The following OSBP2 variants were observed in gnomAD, a reference collection of about 807,000 sequenced individuals.
OSBP2 encodes oxysterol binding protein 2, also known as oxysterol-binding protein 2.
In OSBP2, 66 loss-of-function variants were observed where a neutral mutation model predicts 96.0. The observed-to-expected ratio is 0.69, with a 90% CI of 0.56 to 0.84. OSBP2 has a LOEUF of 0.84. Among genes scored for constraint, OSBP2 ranks in the 40% least tolerant of loss-of-function variants. The pLI is 0.00. For missense variants in OSBP2, 1,038 were observed against 1,222.7 expected, an observed-to-expected ratio of 0.85 and a Z score of 2.25; for synonymous variants, 525 against 520.9, an observed-to-expected ratio of 1.01 and a Z score of -0.11.
At chr22:30,788,768 A>T (rs1188754609) in intron 2 of OSBP2, among the ~76,000 whole-genome samples, 1 of 152,092 alleles carries the variant, frequency 6.6e-6, no homozygotes, top group African/African-American at 2.4e-5. Context: ...GCTGGAGTGC[A>T]GTGGCACCAT....
At chr22:30,902,733 C>G in intron 12 of OSBP2, 1 of 472,198 alleles carries the variant, frequency 2.1e-6, no homozygotes, top group South Asian at 1.9e-5. Context: ...CTGCTATCTT[C>G]AGGGGTGCCA....
Position 30,719,630 on chromosome 22 carries a change from G to A in OSBP2, c.645-21531G>A, listed in dbSNP as rs551213995. On this transcript the variant is annotated intron_variant, in intron 1 of 13. Transcript: ENST00000332585. ...TAAGCCGGGAGTGGTGGCGCACCCC[G>A]GTAATCCCAGCTACTTGGAAGGCTG... Among the ~76,000 whole-genome samples, 7 of 151,558 alleles carry A rather than the reference G, an allele frequency of 4.6e-5. No homozygotes were observed. In the South Asian group the frequency reaches 1.3e-3, roughly 27 times the overall value.
At chr22:30,898,691 C>A (rs982557386) in intron 12 of OSBP2, among the ~76,000 whole-genome samples, 94 of 151,978 alleles carry the variant, frequency 6.2e-4, no homozygotes, top group African/African-American at 2.2e-3. Context: ...CCAATCACCT[C>A]CCACCCGGTC....
intron 12 of OSBP2, chr22:30,894,223 A>T: frequency 1.9e-6 from 1 of 530,534 alleles, no homozygotes; most frequent in South Asian, 3.0e-5. Flanking sequence ...AGGTGATAGG[A>T]CAGAGCCCCT....
At chr22:30,822,337 C>T (rs1244270880) in intron 2 of OSBP2, among the ~76,000 whole-genome samples, 1 of 152,234 alleles carries the variant, frequency 6.6e-6, no homozygotes, top group Non-Finnish European at 1.5e-5. Flanking sequence ...TCCGCGGGGT[C>T]GCACGGACCA....
chr22:30,726,210 A>G (rs569682244), intron 1 of OSBP2, among the ~76,000 whole-genome samples: 7 of 152,344 alleles, frequency 4.6e-5, no homozygotes, highest in African/African-American at 1.4e-4. Context: ...TGTCATTTAC[A>G]ATAGCAAAAC....
At chr22:30,899,320 T>C (rs2040141080) in intron 12 of OSBP2, among the ~76,000 whole-genome samples, 1 of 151,080 alleles carries the variant, frequency 6.6e-6, no homozygotes, top group African/African-American at 2.4e-5. Flanking sequence ...GCAGGAAGGT[T>C]ACTTGAGCCC....
In OSBP2 at chr22:30,739,221, A is replaced by G. The variant is rs567311858; in HGVS notation, c.645-1940A>G. Among the ~76,000 whole-genome samples, 46 of 152,320 alleles carry G rather than the reference A, an allele frequency of 3.0e-4. 2 individuals carry two copies. The highest frequency in any genetic ancestry group is 2.9e-3 in the Admixed American group (44 of 15,298). ...CCCTTATTTTGATACCATTAGCTCC[A>G]TCATCTTATAAGTCCGTTGTTATGA... On this transcript the variant is annotated intron_variant, in intron 1 of 13. Coordinates refer to ENST00000332585, the MANE Select transcript of OSBP2 (RefSeq NM_030758.4).
In OSBP2 at chr22:30,871,982, C is replaced by T. The variant is rs767952816; in HGVS notation, c.1107+1300C>T. Among the ~76,000 whole-genome samples the T allele has an allele frequency of 6.6e-6, 1 of 152,262 alleles. No homozygotes were observed. The highest frequency in any genetic ancestry group is 1.5e-5 in the Non-Finnish European group (1 of 68,044). On this transcript the variant is annotated intron_variant, in intron 3 of 13. Transcript: ENST00000332585. The surrounding 1 kb of genome is among the most constrained non-coding windows in gnomAD (Gnocchi z 4.7). ...GGGCCTGAGGCTGGGCGAGGTGTGC[C>T]CCCCTTCCCGACTGCTGGGAAACTC...
intron 1 of OSBP2, among the ~76,000 whole-genome samples, chr22:30,738,162 G>T (rs2089883826): frequency 6.8e-6 from 1 of 146,898 alleles, no homozygotes; most frequent in South Asian, 2.1e-4. Context: ...CTCTCTTGTT[G>T]TTGGCACTCT....
intron 2 of OSBP2, among the ~76,000 whole-genome samples, chr22:30,837,628 A>T (rs1206253035): frequency 6.6e-6 from 1 of 152,228 alleles, no homozygotes; most frequent in African/African-American, 2.4e-5. Flanking sequence ...GTCACCCTGC[A>T]ACTCCCTGAG....
rs1027134076 is a variant in OSBP2, at chr22:30,889,692, C to T, written c.1623+56C>T. The T allele has an allele frequency of 3.6e-5, 56 of 1,562,344 alleles. No homozygotes were observed. The Middle Eastern group carries it at 1.5e-3, about 42-fold the overall frequency. ...GGTCCTCTGGGGCTGCTTTCCTGTG[C>T]GTGGATGAGCAGTAATGGCCTGTGT... On this transcript the variant is annotated intron_variant, in intron 7 of 13. Transcript: ENST00000332585.
intron 1 of OSBP2, among the ~76,000 whole-genome samples, chr22:30,738,077 CT>C (rs572534320): frequency 0.021 from 3,080 of 143,836 alleles, 30 homozygotes; most frequent in Middle Eastern, 0.048. Flanking sequence ...TTTTCTTTTC[CT>C]TTTTTTTTTT....
At chr22:30,814,433 G>GT (rs1602303158) in intron 2 of OSBP2, among the ~76,000 whole-genome samples, 3 of 112,292 alleles carry the variant, frequency 2.7e-5, no homozygotes, top group Admixed American at 1.0e-4. Context: ...TATCTCGTTG[G>GT]GTTTTTTTTT....
chr22:30,737,900 GAC>G (rs1441093046), intron 1 of OSBP2, among the ~76,000 whole-genome samples: 1 of 151,980 alleles, frequency 6.6e-6, no homozygotes, highest in Non-Finnish European at 1.5e-5. Flanking sequence ...TTTTAGTAGA[GAC>G]GGGGTTTCAC....
chr22:30,886,838 T>C (rs997459723), intron 3 of OSBP2, among the ~76,000 whole-genome samples: 1 of 152,142 alleles, frequency 6.6e-6, no homozygotes. Flanking sequence ...AGATGTGTTA[T>C]AGGAAAGGGG....
chr22:30,767,706 C>T (rs944207700), intron 2 of OSBP2, among the ~76,000 whole-genome samples: 2 of 152,144 alleles, frequency 1.3e-5, no homozygotes, highest in Non-Finnish European at 2.9e-5. Flanking sequence ...AGGGGCCGCA[C>T]ATGTGCTTCC....
At chr22:30,891,543 T>C (rs2039948061) in intron 8 of OSBP2, among the ~76,000 whole-genome samples, 1 of 152,206 alleles carries the variant, frequency 6.6e-6, no homozygotes, top group Non-Finnish European at 1.5e-5. Flanking sequence ...GAGTGTGGGA[T>C]GCTGGCCATT....
intron 2 of OSBP2, among the ~76,000 whole-genome samples, chr22:30,811,111 G>GGCATTT (rs1555915299): frequency 1.3e-5 from 2 of 151,438 alleles, no homozygotes; most frequent in African/African-American, 4.8e-5. Context: ...TGTCAGTACT[G>GGCATTT]GTATTTTCCA....
Sources: allele counts gnomAD v4.1 joint callset (sites outside exome capture counted in the v4.1 genomes callset), GRCh38; gene constraint gnomAD v4.1.1; non-coding constraint Gnocchi (gnomAD v3.1); transcripts MANE v1.5; gene names NCBI Gene and HGNC (gene_info 2026-07-23, HGNC 2026-07-21).